ERBB4: variants seen among roughly 807,000 people sequenced by gnomAD.
ERBB4 encodes the protein receptor tyrosine-protein kinase erbB-4.
In ERBB4, 42 loss-of-function variants were observed where a neutral mutation model predicts 158.0. The ratio of observed to expected loss-of-function variants is 0.27; its 90% CI spans 0.21 to 0.34. The LOEUF (loss-of-function observed/expected upper bound fraction) is 0.34. Among genes scored for constraint, ERBB4 ranks in the 10% least tolerant of loss-of-function variants. The pLI is 1.00. For missense variants in ERBB4, 1,333 were observed against 1,624.1 expected, an observed-to-expected ratio of 0.82 and a Z score of 3.08; for synonymous variants, 583 against 558.7, an observed-to-expected ratio of 1.04 and a Z score of -0.61.
At chr2:212,116,544 C>T (rs1490951294) in intron 2 of ERBB4, among the ~76,000 whole-genome samples, 2 of 152,132 alleles carry the variant, frequency 1.3e-5, no homozygotes, top group Non-Finnish European at 2.9e-5. Flanking sequence ...AACTCTTGGA[C>T]TCACATGATC....
chr2:212,010,970 A>T (rs570263662), intron 2 of ERBB4, among the ~76,000 whole-genome samples: 32 of 152,264 alleles, frequency 2.1e-4, no homozygotes, highest in African/African-American at 7.2e-4. Context: ...TTTTTGCCCA[A>T]CCCAGCAGGC....
In ERBB4 at chr2:211,701,825, T is replaced by C. The variant is rs74432649; in HGVS notation, c.1489+142A>G. On this transcript the variant is annotated intron_variant, in intron 12 of 27. Transcript: ENST00000342788. ...TGATTATTTTATACCATGTTGGTAA[T>C]TGTAACAACTACCTTCCTTTTTAAG... 6.8e-3 allele frequency: 4,198 copies of C among 619,434 alleles called. 147 individuals are homozygous for C. The African/African-American group carries it at 0.071, about 10-fold the overall frequency. 38.4% of individuals were successfully genotyped at this position (619,434 alleles called of 1,614,324 possible).
intron 3 of ERBB4, among the ~76,000 whole-genome samples, chr2:211,927,910 C>T (rs1185801491): frequency 6.6e-6 from 1 of 151,936 alleles, no homozygotes; most frequent in South Asian, 2.1e-4. Context: ...TCTATAATTT[C>T]CTCTCAAAAA....
intron 14 of ERBB4, among the ~76,000 whole-genome samples, chr2:211,666,845 T>C (rs2071649171): frequency 6.6e-6 from 1 of 152,096 alleles, no homozygotes; most frequent in African/African-American, 2.4e-5. Context: ...CTTAAATAAA[T>C]AAGATATAGT....
At chr2:212,340,859 C>T (rs571641386) in intron 1 of ERBB4, among the ~76,000 whole-genome samples, 1 of 152,092 alleles carries the variant, frequency 6.6e-6, no homozygotes, top group African/African-American at 2.4e-5. Context: ...TTTGTCTATT[C>T]GATGCTACTA....
intron 1 of ERBB4, among the ~76,000 whole-genome samples, chr2:212,458,832 T>C (rs1688431889): frequency 6.6e-6 from 1 of 152,120 alleles, no homozygotes; most frequent in Admixed American, 6.6e-5. Flanking sequence ...TTTGTAGATA[T>C]ATTTGGGTCG....
intron 4 of ERBB4, among the ~76,000 whole-genome samples, chr2:211,759,116 A>C (rs1223122022): frequency 6.6e-6 from 1 of 152,128 alleles, no homozygotes; most frequent in Non-Finnish European, 1.5e-5. Context: ...AAAACTTTGG[A>C]GTCATCCTCA....
chr2:212,102,135 T>C (rs1018038042), intron 2 of ERBB4, among the ~76,000 whole-genome samples: 4 of 141,048 alleles, frequency 2.8e-5, no homozygotes, highest in Admixed American at 7.1e-5. Context: ...TCAACTTGTT[T>C]TAATAATTCT....
chr2:211,927,995 C>A (rs1306886132), intron 3 of ERBB4, among the ~76,000 whole-genome samples: 1 of 151,916 alleles, frequency 6.6e-6, no homozygotes, highest in African/African-American at 2.4e-5. Flanking sequence ...TCTAAGGCAA[C>A]CAGACAGAGA....
At position 211,517,671 on chromosome 2, in the gene ERBB4, T is replaced by G. The variant is rs138665542; in HGVS notation, c.2487+44232A>C. Among the ~76,000 whole-genome samples, 979 of 152,236 alleles carry G rather than the reference T, an allele frequency of 6.4e-3. 12 individuals carry two copies. Among genetic ancestry groups the G allele is most frequent in the African/African-American group, 0.022 (916 of 41,556 alleles). The stretch of plus-strand genomic sequence containing the variant: ...TTTCCTGGCTAGGAGAAGATGAAAT[T>G]TGTACAAATTACAAGAAAGCGAATC... On this transcript the variant is annotated intron_variant, in intron 20 of 27. Coordinates refer to ENST00000342788, the MANE Select transcript of ERBB4 (RefSeq NM_005235.3).
intron 1 of ERBB4, among the ~76,000 whole-genome samples, chr2:212,455,126 T>C (rs1381553262): frequency 6.6e-6 from 1 of 152,214 alleles, no homozygotes; most frequent in African/African-American, 2.4e-5. Flanking sequence ...TGTATTTGAA[T>C]TGAGGACTTC....
chr2:212,181,468 TATAA>T lies in ERBB4; in HGVS notation c.83-56569_83-56566del, dbSNP rs547375697. Among the ~76,000 whole-genome samples the T allele has an allele frequency of 4.8e-3, 732 of 151,804 alleles. 3 individuals carry two copies. Among genetic ancestry groups the T allele is most frequent in the Middle Eastern group, 0.01 (3 of 294 alleles). On this transcript the variant is annotated intron_variant, in intron 1 of 27. Transcript: ENST00000342788. ...TCTTTATCACTTACTCTTGAAAACC[TATAA>T]ATAATTTCAATATGAAAATTTTATT...
At chr2:211,986,898 C>A (rs1472086574) in intron 2 of ERBB4, among the ~76,000 whole-genome samples, 2 of 152,206 alleles carry the variant, frequency 1.3e-5, no homozygotes, top group South Asian at 2.1e-4. Context: ...GAATTAAGAA[C>A]AAGTGATACT....
intron 25 of ERBB4, among the ~76,000 whole-genome samples, chr2:211,399,727 T>TATCA (rs1426079959): frequency 1.3e-5 from 2 of 152,190 alleles, no homozygotes; most frequent in Admixed American, 1.3e-4. Context: ...TTCAAGATTC[T>TATCA]ATCACTAGTA....
intron 1 of ERBB4, among the ~76,000 whole-genome samples, chr2:212,309,510 G>A (rs77758419): frequency 3.3e-5 from 5 of 150,838 alleles, no homozygotes; most frequent in African/African-American, 1.2e-4. Context: ...AGACTAGAAT[G>A]AGATGTTTAT....
At chr2:212,026,998 AAAT>A (rs1360669256) in intron 2 of ERBB4, among the ~76,000 whole-genome samples, 4 of 151,978 alleles carry the variant, frequency 2.6e-5, no homozygotes, top group African/African-American at 7.2e-5. Context: ...TAATTAATAC[AAAT>A]AATAATTTGT....
chr2:212,520,284 A>G lies in ERBB4; in HGVS notation c.82+18165T>C, dbSNP rs140748578. 6.7e-3 allele frequency among the ~76,000 whole-genome samples: 1,025 copies of G among 152,018 alleles called. 14 individuals are homozygous for G. Among genetic ancestry groups the G allele is most frequent in the African/African-American group, 0.024 (985 of 41,504 alleles). On this transcript the variant is annotated intron_variant, in intron 1 of 27. Transcript: ENST00000342788. The stretch of plus-strand genomic sequence containing the variant: ...ATTTATTGCTTTGCAGTAAAGTAAA[A>G]AGTTGAGTTGAAACTACATGAAAAC...
intron 19 of ERBB4, among the ~76,000 whole-genome samples, chr2:211,562,810 C>T (rs1185173878): frequency 1.7e-5 from 2 of 121,140 alleles, no homozygotes; most frequent in South Asian, 2.4e-4. Context: ...CTCGCTCTGT[C>T]GCCCAGGCTG....
chr2:212,521,658 ACATGCATTTC>A (rs1692178279), intron 1 of ERBB4, among the ~76,000 whole-genome samples: 2 of 78,730 alleles, frequency 2.5e-5, no homozygotes, highest in South Asian at 3.7e-4. Context: ...ATATGCATTT[ACATGCATTTC>A]ATTTAACCTT....
Sources: gnomAD v4.1 joint callset for allele counts (sites outside exome capture counted in the v4.1 genomes callset) on GRCh38, gnomAD v4.1.1 for gene constraint, MANE v1.5 for transcripts, NCBI Gene and HGNC (gene_info 2026-07-23, HGNC 2026-07-21) for gene names.